The following AKAP11 variants were observed in gnomAD, a reference collection of about 807,000 sequenced individuals.
AKAP11 encodes the protein A-kinase anchor protein 11.
Under a neutral mutation model 146.1 loss-of-function variants are expected in AKAP11, and 36 were observed. That is an observed-to-expected ratio of 0.25 (90% confidence interval 0.19 to 0.33). The LOEUF (loss-of-function observed/expected upper bound fraction) is 0.33. Ranked by LOEUF, AKAP11 falls within the 10% of genes least tolerant of loss-of-function variation. The pLI is 1.00. For missense variants in AKAP11, 2,201 were observed against 2,197.0 expected (o/e 1.00, Z -0.04); for synonymous variants, 780 against 786.5 (o/e 0.99, Z 0.14).
chr13:42,313,034 C>T lies in AKAP11; in HGVS notation c.5274-13C>T, dbSNP rs572959924. On this transcript the variant is annotated splice_polypyrimidine_tract_variant and intron_variant, in intron 9 of 12. Transcript: ENST00000025301. ...TTTTCTAGTTCAGCTCTGTTCTTTT[C>T]TTCCTCTGGCAGTAATGGTAACAGC... 10 of 1,608,998 alleles carry T rather than the reference C, an allele frequency of 6.2e-6. No individual in the cohort carries two copies. The Admixed American group carries it at 1.7e-4, about 27-fold the overall frequency.
At chr13:42,280,196 A>T (rs1959030411) in intron 1 of AKAP11, among the ~76,000 whole-genome samples, 2 of 152,194 alleles carry the variant, frequency 1.3e-5, no homozygotes, top group Non-Finnish European at 2.9e-5. Flanking sequence ...AGTAGCTGGC[A>T]GCCAGTGTTT....
rs1254533313 is a variant in AKAP11 at position 42,302,706 on chromosome 13, T to G, written c.3960T>G (p.Leu1320=). The G allele has an allele frequency of 6.2e-7, 1 of 1,614,002 alleles. No homozygotes were observed. Among genetic ancestry groups the G allele is most frequent in the African/African-American group, 1.3e-5 (1 of 74,926 alleles). Residue 1320 remains leucine (L), a synonymous_variant, in exon 8 of 13, where the codon CTT becomes CTG. Coordinates refer to ENST00000025301, the MANE Select transcript of AKAP11 (RefSeq NM_016248.4). ...CAAGAGAAGTGGATCCGTTTATTCT[T>G]TCATTACCACCAAGTTCTTGTATGT... The part of the protein sequence containing the change: ...VHPREVDPFI[L]SLPPSSCMSG...
At chr13:42,315,164 C>G (rs1342233211) in intron 11 of AKAP11, among the ~76,000 whole-genome samples, 1 of 152,136 alleles carries the variant, frequency 6.6e-6, no homozygotes, top group East Asian at 1.9e-4. Flanking sequence ...TACTTTATGA[C>G]ACCTGAATTT....
intron 9 of AKAP11, among the ~76,000 whole-genome samples, chr13:42,310,386 A>G (rs1278637605): frequency 6.6e-6 from 1 of 152,214 alleles, no homozygotes; most frequent in South Asian, 2.1e-4. Flanking sequence ...GAAGTCAGTG[A>G]AGGGTCCTGA....
chr13:42,299,342 C>A, intron 7 of AKAP11, 21 bp from the exon 8 acceptor site: 1 of 1,557,276 alleles, frequency 6.4e-7, no homozygotes, highest in Admixed American at 2.1e-5. Flanking sequence ...ATAATTTCAC[C>A]ATTTCATTCT....
intron 5 of AKAP11, 64 bp from the exon 6 acceptor site, chr13:42,296,984 A>T (rs1400683152): frequency 2.1e-5 from 30 of 1,462,276 alleles, no homozygotes; most frequent in Admixed American, 5.1e-5. Context: ...TAGGGTCCAC[A>T]TTATAGGAAC....
intron 9 of AKAP11, 37 bp downstream of exon 9, chr13:42,308,646 T>G (rs1374041138): frequency 6.6e-7 from 1 of 1,523,452 alleles, no homozygotes; most frequent in South Asian, 1.3e-5. Context: ...GTAGTTTAGG[T>G]CCTCAGATCT....
intron 8 of AKAP11, among the ~76,000 whole-genome samples, chr13:42,306,876 A>G (rs1474105542): frequency 6.6e-6 from 1 of 152,144 alleles, no homozygotes; most frequent in Non-Finnish European, 1.5e-5. Context: ...TGTAGAGATG[A>G]GATCTCACTA....
chr13:42,311,150 G>T (rs145106372), intron 9 of AKAP11, among the ~76,000 whole-genome samples: 1 of 152,254 alleles, frequency 6.6e-6, no homozygotes, highest in African/African-American at 2.4e-5. Context: ...TCACAATCAA[G>T]ACCAGTCTTG....
chr13:42,304,205 A>G (rs1960133650), intron 8 of AKAP11, among the ~76,000 whole-genome samples: 1 of 152,220 alleles, frequency 6.6e-6, no homozygotes, highest in South Asian at 2.1e-4. Flanking sequence ...CTTATTCTCA[A>G]TTTTGCTTTC....
Position 42,303,679 on chromosome 13 carries a change from G to A in AKAP11, c.4933G>A (p.Asp1645Asn), listed in dbSNP as rs1960096025. ...TGTCCCTCAGATTCATGTTAATCTT[G>A]ATAAGAAGGCAGTGCTTGCTGAGAA... ...LSVPQIHVNL[D>N]KKAVLAEKIV... is the part of the protein sequence containing the mutation. Residue 1645 changes from aspartate (D) to asparagine (N), a missense_variant, in exon 8 of 13, where the codon GAT becomes AAT. Around this residue, in one of 3 missense-constraint regions of AKAP11, gnomAD observed 1,867 missense variants for 1,833.5 expected, o/e 1.02. Coordinates refer to ENST00000025301, the MANE Select transcript of AKAP11 (RefSeq NM_016248.4). The A allele has an allele frequency of 6.2e-7, 1 of 1,614,136 alleles. No individual in the cohort carries two copies. Among genetic ancestry groups the A allele is most frequent in the Non-Finnish European group, 8.5e-7 (1 of 1,180,020 alleles).
In AKAP11 at chr13:42,302,503, T is replaced by C; in HGVS notation, c.3757T>C (p.Leu1253=). The change falls in exon 8 of 13, where the codon TTG becomes CTG. Residue 1253 remains leucine, a synonymous_variant. Transcript: ENST00000025301. The part of the protein sequence containing the change: ...PTFLNPSDEN[L]KTLCNFAGDL... ...TTTTTTAAACCCCTCAGACGAAAAT[T>C]TGAAAACATTATGCAATTTTGCGGG... is the stretch of plus-strand genomic sequence containing the variant. 6.2e-7 allele frequency: 1 copy of C among 1,614,072 alleles called. No individual in the cohort carries two copies. The highest frequency in any genetic ancestry group is 8.5e-7 in the Non-Finnish European group (1 of 1,179,990).
At chr13:42,282,308 A>T (rs238332) in intron 1 of AKAP11, among the ~76,000 whole-genome samples, 148,603 of 149,314 alleles carry the variant, frequency 1, 73,952 homozygotes, top group Middle Eastern at 1. Context: ...GCATCCTATT[A>T]ACACCATTCT....
At chr13:42,279,263 C>CA (rs1959003220) in intron 1 of AKAP11, among the ~76,000 whole-genome samples, 1 of 150,076 alleles carries the variant, frequency 6.7e-6, no homozygotes, top group African/African-American at 2.5e-5. Context: ...ACGTGCACAC[C>CA]CACACACACA....
At chr13:42,316,709 T>C (rs759025258) in intron 11 of AKAP11, among the ~76,000 whole-genome samples, 15 of 152,180 alleles carry the variant, frequency 9.9e-5, no homozygotes, top group Admixed American at 2.0e-4. Flanking sequence ...GGGGCTCTCT[T>C]TGCCTCAGAT....
At chr13:42,282,137 T>C (rs1245735487) in intron 1 of AKAP11, among the ~76,000 whole-genome samples, 2 of 151,922 alleles carry the variant, frequency 1.3e-5, no homozygotes, top group Non-Finnish European at 2.9e-5. Context: ...CCCAGCTAAT[T>C]TTTGTATTTT....
chr13:42,271,859 C>T (rs1313071154), upstream of AKAP11, among the ~76,000 whole-genome samples: 4 of 151,448 alleles, frequency 2.6e-5, no homozygotes, highest in Non-Finnish European at 5.9e-5. Flanking sequence ...AGCGGGGCTG[C>T]CCCGCGGGCT....
In AKAP11 at chr13:42,306,006, C is replaced by T. The variant is rs375770828; in HGVS notation, c.5117+2143C>T. The stretch of plus-strand genomic sequence containing the variant: ...TGAGAACAGCATGGAGGAAGCCGCC[C>T]TCATGATCCAATCACCTCCCACCAG... On this transcript the variant is annotated intron_variant, in intron 8 of 12. Transcript: ENST00000025301. 1.8e-4 allele frequency among the ~76,000 whole-genome samples: 28 copies of T among 152,226 alleles called. No homozygotes were observed. The South Asian group carries it at 4.6e-3, about 25-fold the overall frequency.
chr13:42,299,299 TTTAAG>T (rs1959704367), intron 7 of AKAP11, 59 bp from the exon 8 acceptor site: 4 of 1,386,552 alleles, frequency 2.9e-6, no homozygotes, highest in East Asian at 2.4e-5. Context: ...ATTCCATGGA[TTTAAG>T]TTAATTTCCA....
Sources: allele counts gnomAD v4.1 joint callset (sites outside exome capture counted in the v4.1 genomes callset), GRCh38; gene constraint gnomAD v4.1.1; regional missense constraint gnomAD v4.1.1; transcripts MANE v1.5; gene names NCBI Gene and HGNC (gene_info 2026-07-23, HGNC 2026-07-21).